The following HDAC4 variants were observed in gnomAD, a reference collection of about 807,000 sequenced individuals.
HDAC4 encodes histone deacetylase A.
A neutral mutation model predicts 135.1 loss-of-function variants in HDAC4; 16 were observed. That is an observed-to-expected ratio of 0.12 (90% CI 0.08 to 0.18). The LOEUF is 0.18. Among genes scored for constraint, HDAC4 ranks in the 10% least tolerant of loss-of-function variants. The pLI, the probability that HDAC4 is intolerant of heterozygous loss-of-function variation, is 1.00. For missense variants in HDAC4, 1,143 were observed against 1,511.8 expected (o/e 0.76, Z 4.05); for synonymous variants, 685 against 653.4 (o/e 1.05, Z -0.74).
At chr2:239,282,194 C>T (rs972415623) in intron 2 of HDAC4, among the ~76,000 whole-genome samples, 2 of 139,688 alleles carry the variant, frequency 1.4e-5, no homozygotes, top group African/African-American at 2.8e-5. Flanking sequence ...AATGTACACA[C>T]CACTCTACAA....
At position 239,048,408 on chromosome 2, in the gene HDAC4, G is replaced by A. The variant is rs142848769; in HGVS notation, c.*4689C>T. The A allele has an allele frequency of 1.4e-4, 21 of 152,338 alleles. No individual in the cohort carries two copies. Among genetic ancestry groups the A allele is most frequent in the African/African-American group, 4.6e-4 (19 of 41,568 alleles). 9.4% of individuals were successfully genotyped at this position (152,338 alleles called of 1,614,324 possible). ...CACGTCCAGACAATCCAAGAGAAAC[G>A]GATTAAATTACAGAGGTGAATGGTG... On this transcript the variant is annotated 3_prime_UTR_variant, in exon 27 of 27. Coordinates refer to ENST00000543185, the MANE Select transcript of HDAC4 (RefSeq NM_001378414.1).
intron 4 of HDAC4, 47 bp from the exon 5 acceptor site, chr2:239,176,610 C>A: frequency 6.3e-7 from 1 of 1,580,656 alleles, no homozygotes; most frequent in South Asian, 1.1e-5. Flanking sequence ...AGGCTCCACA[C>A]ACACACAGAG....
intron 2 of HDAC4, among the ~76,000 whole-genome samples, chr2:239,249,162 G>A (rs542727052): frequency 2.0e-4 from 31 of 152,332 alleles, no homozygotes; most frequent in African/African-American, 7.0e-4. Context: ...AGGTACACAC[G>A]AGGTGGAGGG....
intron 16 of HDAC4, among the ~76,000 whole-genome samples, chr2:239,096,792 A>G (rs1385399553): frequency 6.7e-6 from 1 of 150,048 alleles, no homozygotes; most frequent in African/African-American, 2.5e-5. Context: ...AGACAGCCAC[A>G]GCCAGGCCCT....
rs150534752 is a variant in HDAC4 at position 239,308,052 on chromosome 2, C to G, written c.22+44626G>C. Among the ~76,000 whole-genome samples, 1,175 of 152,346 alleles carry G rather than the reference C, an allele frequency of 7.7e-3. 13 individuals are homozygous for G. Among genetic ancestry groups the G allele is most frequent in the African/African-American group, 0.026 (1,084 of 41,570 alleles). On this transcript the variant is annotated intron_variant, in intron 2 of 26. Transcript: ENST00000543185. This position sits in a 1 kb window ranked among gnomAD's most constrained non-coding sequence, Gnocchi z 4.2. ...CTGCGAGGAGCCAAGGATGGCCCAT[C>G]CCACCCCCAACGGTGAGAGCCGGGC...
At chr2:239,184,629 T>TG (rs146510648) in intron 4 of HDAC4, among the ~76,000 whole-genome samples, 2 of 35,178 alleles carry the variant, frequency 5.7e-5, no homozygotes, top group South Asian at 1.1e-3. Context: ...TGCCCTATGA[T>TG]GGGGGGTCCC....
chr2:239,147,795 G>A (rs542948852), intron 7 of HDAC4, among the ~76,000 whole-genome samples: 2 of 152,370 alleles, frequency 1.3e-5, no homozygotes, highest in South Asian at 2.1e-4. Context: ...TCAAGTAAAT[G>A]ACTAATTAAG....
At chr2:239,199,847 C>CCT (rs1424254145) in intron 3 of HDAC4, among the ~76,000 whole-genome samples, 2 of 152,168 alleles carry the variant, frequency 1.3e-5, no homozygotes, top group Non-Finnish European at 2.9e-5. Context: ...CATTCTCCTG[C>CCT]CTCAGCCTTC....
chr2:239,096,363 G>A (rs2037038694), intron 16 of HDAC4, among the ~76,000 whole-genome samples: 1 of 76,256 alleles, frequency 1.3e-5, no homozygotes, highest in South Asian at 4.3e-4. Flanking sequence ...ACCGACAGAT[G>A]CCTGCAACCC....
At chr2:239,078,694 G>T (rs1054216560) in intron 22 of HDAC4, among the ~76,000 whole-genome samples, 1 of 152,200 alleles carries the variant, frequency 6.6e-6, no homozygotes, top group African/African-American at 2.4e-5. Context: ...TGGCTGGGCC[G>T]GCCGGGGCCT....
chr2:239,279,107 C>A (rs976124846), intron 2 of HDAC4, among the ~76,000 whole-genome samples: 1 of 152,246 alleles, frequency 6.6e-6, no homozygotes, highest in African/African-American at 2.4e-5. Context: ...GCAGGGCCCA[C>A]AGGCCGGAGG....
intron 1 of HDAC4, among the ~76,000 whole-genome samples, chr2:239,389,976 C>G (rs928231237): frequency 5.3e-5 from 8 of 152,172 alleles, no homozygotes; most frequent in African/African-American, 1.9e-4. Flanking sequence ...GCTGTCCTTC[C>G]TGATGGGTGT....
At chr2:239,316,553 A>C (rs947783631) in intron 2 of HDAC4, among the ~76,000 whole-genome samples, 1 of 152,200 alleles carries the variant, frequency 6.6e-6, no homozygotes, top group South Asian at 2.1e-4. Context: ...GGCTGTAGTG[A>C]GCTGTGATTC....
chr2:239,057,445 T>C (rs939803974), intron 24 of HDAC4, among the ~76,000 whole-genome samples: 2 of 152,118 alleles, frequency 1.3e-5, no homozygotes, highest in African/African-American at 4.8e-5. Context: ...AACCCAGGAA[T>C]GCACACCTAG....
At chr2:239,382,911 G>A (rs575210215) in intron 1 of HDAC4, among the ~76,000 whole-genome samples, 27 of 151,926 alleles carry the variant, frequency 1.8e-4, no homozygotes, top group African/African-American at 6.3e-4. Flanking sequence ...ATTTTTTTTA[G>A]TAGAGATGGG....
chr2:239,061,566 T>A (rs918640027), intron 24 of HDAC4, among the ~76,000 whole-genome samples: 5 of 152,012 alleles, frequency 3.3e-5, no homozygotes, highest in African/African-American at 1.2e-4. Flanking sequence ...CACGTGCATG[T>A]GAGACTGTGG....
intron 4 of HDAC4, among the ~76,000 whole-genome samples, chr2:239,184,374 AG>A (rs1488438164): frequency 2.4e-5 from 2 of 81,672 alleles, no homozygotes; most frequent in East Asian, 4.3e-4. Context: ...GTGCCCTATG[AG>A]GGGGGGTCCC....
intron 2 of HDAC4, among the ~76,000 whole-genome samples, chr2:239,321,587 C>A (rs1483211095): frequency 6.6e-6 from 1 of 151,252 alleles, no homozygotes; most frequent in East Asian, 1.9e-4. Context: ...GAAGGAGTAG[C>A]AGCTTTCAAC....
chr2:239,104,761 G>C (rs1234560361), intron 15 of HDAC4, among the ~76,000 whole-genome samples: 1 of 152,264 alleles, frequency 6.6e-6, no homozygotes, highest in Non-Finnish European at 1.5e-5. Context: ...CCACTCAAAA[G>C]CGACCCACTG....
Sources: allele counts gnomAD v4.1 joint callset (sites outside exome capture counted in the v4.1 genomes callset), GRCh38; gene constraint gnomAD v4.1.1; non-coding constraint Gnocchi (gnomAD v3.1); transcripts MANE v1.5; gene names NCBI Gene and HGNC (gene_info 2026-07-23, HGNC 2026-07-21).